The following ARHGAP28 variants were observed in gnomAD, a reference collection of about 807,000 sequenced individuals.
The protein encoded by ARHGAP28 is rho GTPase-activating protein 28.
In ARHGAP28, 56 loss-of-function variants were observed where a neutral mutation model predicts 90.7. The ratio of observed to expected loss-of-function variants is 0.62; its 90% CI spans 0.50 to 0.77. ARHGAP28 has a LOEUF of 0.77. ARHGAP28 is among the 30% of genes least tolerant of loss of function. The pLI is 0.00. For synonymous variants in ARHGAP28, 308 were observed against 323.3 expected, an observed-to-expected ratio of 0.95 and a Z score of 0.51; for missense variants, 869 against 900.9, an observed-to-expected ratio of 0.96 and a Z score of 0.45.
At chr18:6,898,844 A>C (rs1459520717) in intron 16 of ARHGAP28, 5 of 826,724 alleles carry the variant, frequency 6.0e-6, no homozygotes, top group Non-Finnish European at 7.6e-6. Flanking sequence ...TGAGGATGTA[A>C]AGGCCTAAGA....
intron 4 of ARHGAP28, among the ~76,000 whole-genome samples, chr18:6,855,453 C>A (rs979200153): frequency 1.3e-5 from 2 of 152,134 alleles, no homozygotes; most frequent in Non-Finnish European, 2.9e-5. Flanking sequence ...ACCTGTTTGC[C>A]GAAAGGAGCT....
chr18:6,841,208 C>CT (rs1555631529), intron 3 of ARHGAP28, among the ~76,000 whole-genome samples: 4,804 of 42,316 alleles, frequency 0.11, 518 homozygotes, highest in South Asian at 0.14. Context: ...TCTCTCCTCT[C>CT]CTCTCTCTCT....
chr18:6,800,904 T>G (rs547083173), intron 1 of ARHGAP28, among the ~76,000 whole-genome samples: 9 of 152,332 alleles, frequency 5.9e-5, no homozygotes, highest in Admixed American at 5.9e-4. Context: ...TGAAAGTTCT[T>G]TATGTATTCT....
At position 6,764,388 on chromosome 18, in the gene ARHGAP28, C is replaced by T. The variant is rs182344176; in HGVS notation, c.122+34445C>T. On this transcript the variant is annotated intron_variant, in intron 1 of 17. Transcript: ENST00000383472. ...TAGTGTATGTAGGGTTTGGCATTAT[C>T]GAGGTTTCAGGCATCGCCTAGGGGT... 1.4e-4 allele frequency among the ~76,000 whole-genome samples: 22 copies of T among 152,238 alleles called. No individual in the cohort carries two copies. The East Asian group carries it at 4.1e-3, about 28-fold the overall frequency.
At chr18:6,840,612 C>T (rs1291987108) in intron 3 of ARHGAP28, among the ~76,000 whole-genome samples, 1 of 152,104 alleles carries the variant, frequency 6.6e-6, no homozygotes, top group African/African-American at 2.4e-5. Flanking sequence ...TAACAGGGTG[C>T]ATTTGTGGTG....
rs187449642 is a variant in ARHGAP28, at chr18:6,839,445, C to T, written c.543+2031C>T. 7.4e-4 allele frequency among the ~76,000 whole-genome samples: 112 copies of T among 152,238 alleles called. 2 individuals carry two copies. Among genetic ancestry groups the T allele is most frequent in the South Asian group, 5.0e-3 (24 of 4,816 alleles). Reference sequence around the variant, plus strand: ...AGTAACTGGGACTATAGGCGCCAGCCACCACGCCTGGCTAATTTTGTTTTT... The same window carrying T: ...AGTAACTGGGACTATAGGCGCCAGCTACCACGCCTGGCTAATTTTGTTTTT... On this transcript the variant is annotated intron_variant, in intron 3 of 17. Transcript: ENST00000383472.
chr18:6,732,712 A>G (rs895088889), intron 1 of ARHGAP28, among the ~76,000 whole-genome samples: 2 of 152,180 alleles, frequency 1.3e-5, no homozygotes, highest in African/African-American at 4.8e-5. Context: ...TAGCCAGTGA[A>G]ATGTACTTGT....
chr18:6,895,241 C>G (rs1482512521), intron 15 of ARHGAP28, among the ~76,000 whole-genome samples: 2 of 152,174 alleles, frequency 1.3e-5, no homozygotes, highest in East Asian at 3.9e-4. Flanking sequence ...GGAGTACAGT[C>G]TTGGCTGCAA....
At chr18:6,871,225 G>T (rs2057086609) in intron 7 of ARHGAP28, among the ~76,000 whole-genome samples, 1 of 152,216 alleles carries the variant, frequency 6.6e-6, no homozygotes, top group Non-Finnish European at 1.5e-5. Flanking sequence ...CAGCCTGCCT[G>T]GCTGTACCTG....
At chr18:6,910,853 T>G (rs1046075262) in intron 17 of ARHGAP28, among the ~76,000 whole-genome samples, 7 of 141,440 alleles carry the variant, frequency 4.9e-5, no homozygotes, top group South Asian at 4.4e-4. Context: ...GTTTGCTTTG[T>G]TTTTTTTTTG....
At chr18:6,733,431 A>G (rs1443836922) in intron 1 of ARHGAP28, among the ~76,000 whole-genome samples, 2 of 151,872 alleles carry the variant, frequency 1.3e-5, no homozygotes, top group Non-Finnish European at 2.9e-5. Flanking sequence ...TTTAAGAGTT[A>G]TTTCTTTTTT....
intron 4 of ARHGAP28, among the ~76,000 whole-genome samples, chr18:6,856,224 T>C (rs1040901484): frequency 2.6e-5 from 4 of 152,352 alleles, no homozygotes; most frequent in Non-Finnish European, 4.4e-5. Flanking sequence ...TTGAACATTT[T>C]TTCTTGGTCA....
chr18:6,801,987 C>G (rs2056485501), intron 1 of ARHGAP28, among the ~76,000 whole-genome samples: 1 of 152,132 alleles, frequency 6.6e-6, no homozygotes, highest in Non-Finnish European at 1.5e-5. Flanking sequence ...TTAATTCCCA[C>G]AAATGAGTGA....
At chr18:6,812,387 A>G (rs973424703) in intron 1 of ARHGAP28, among the ~76,000 whole-genome samples, 1 of 152,198 alleles carries the variant, frequency 6.6e-6, no homozygotes, top group African/African-American at 2.4e-5. Flanking sequence ...TAAAAATTGA[A>G]TGAAAGCTCA....
intron 1 of ARHGAP28, among the ~76,000 whole-genome samples, chr18:6,823,601 ATTT>A (rs141094607): frequency 0.016 from 2,067 of 130,040 alleles, 41 homozygotes; most frequent in African/African-American, 0.054. Context: ...GTGGCTCTTA[ATTT>A]TTTTTTTTTT....
rs1005984519 is a variant in ARHGAP28, at chr18:6,729,934, C to G, written c.113C>G (p.Pro38Arg). 6 of 1,381,094 alleles carry G rather than the reference C, an allele frequency of 4.3e-6. No homozygotes were observed. Among genetic ancestry groups the G allele is most frequent in the African/African-American group, 3.0e-5 (2 of 66,168 alleles). 85.6% of individuals were successfully genotyped at this position (1,381,094 alleles called of 1,614,324 possible). ...RCAPRAAASH[P>R]LSRKSIPRCR... ...GCGCCCCGCGCCGCAGCCAGCCACC[C>G]GCTCAGCAGGTACCCGGAGCCGCTC... The change falls in exon 1 of 18, where the codon CCG becomes CGG. Residue 38 changes from proline to arginine, a missense_variant. Physicochemically the swap from Pro to Arg is moderately radical, Grantham distance 103. Coordinates refer to ENST00000383472, the MANE Select transcript of ARHGAP28 (RefSeq NM_001366230.1).
rs542110780 is a variant in ARHGAP28 at position 6,830,677 on chromosome 18, C to T, written c.325+5713C>T. On this transcript the variant is annotated intron_variant, in intron 2 of 17. Coordinates refer to ENST00000383472, the MANE Select transcript of ARHGAP28 (RefSeq NM_001366230.1). ...ATCCTTTTATGGCTGCATAGTATTC[C>T]AGCCTCATCTCAATTTACATCTTAA... Among the ~76,000 whole-genome samples, 5 of 152,272 alleles carry T rather than the reference C, an allele frequency of 3.3e-5. No individual in the cohort carries two copies. In the South Asian group the frequency reaches 1.0e-3, roughly 32 times the overall value.
chr18:6,822,133 G>T (rs909614282), intron 1 of ARHGAP28, among the ~76,000 whole-genome samples: 1 of 151,970 alleles, frequency 6.6e-6, no homozygotes, highest in East Asian at 1.9e-4. Flanking sequence ...GGGAGGAAAA[G>T]ACCTTCCATT....
At chr18:6,832,291 TTTTGAAATTTAGACTTATTTTATGGC>T (rs550182374) in intron 2 of ARHGAP28, among the ~76,000 whole-genome samples, 270 of 152,180 alleles carry the variant, frequency 1.8e-3, no homozygotes, top group African/African-American at 6.2e-3. Context: ...TATGTTTCAG[TTTTGAAATTTAGACTTATTTTATGGC>T]TCAGAATATT....
Sources: allele counts gnomAD v4.1 joint callset (sites outside exome capture counted in the v4.1 genomes callset), GRCh38; gene constraint gnomAD v4.1.1; transcripts MANE v1.5; gene names NCBI Gene and HGNC (gene_info 2026-07-23, HGNC 2026-07-21).